ABCE1: variants seen among roughly 807,000 people sequenced by gnomAD.
ABCE1 encodes the protein ATP binding cassette subfamily E member 1.
In ABCE1, 22 loss-of-function variants were observed where a neutral mutation model predicts 83.4. That is an observed-to-expected ratio of 0.26 (90% CI 0.19 to 0.38). ABCE1 has a LOEUF of 0.38. Ranked by LOEUF, ABCE1 falls within the 10% of genes least tolerant of loss-of-function variation. The probability of loss-of-function intolerance (pLI) is 1.00; values close to 1 mark genes in which losing one functional copy is unlikely to be tolerated. For synonymous variants in ABCE1, 204 were observed against 233.7 expected (o/e 0.87, Z 1.16); for missense variants, 330 against 721.9 (o/e 0.46, Z 6.22).
chr4:145,124,948 G>A (rs1269694199), intron 16 of ABCE1, 42 bp from the exon 17 acceptor site: 4 of 1,401,084 alleles, frequency 2.9e-6, no homozygotes, highest in Non-Finnish European at 4.0e-6. Context: ...TTACATTTCT[G>A]AAGTAAAATT....
intron 7 of ABCE1, 91 bp downstream of exon 7, chr4:145,110,535 A>G (rs2126704585): frequency 8.1e-7 from 1 of 1,238,208 alleles, no homozygotes. Flanking sequence ...GGGTGCAATG[A>G]TGCAACCTCT....
intron 13 of ABCE1, 120 bp downstream of exon 13, chr4:145,121,511 T>G (rs1749743695): frequency 1.4e-6 from 1 of 719,606 alleles, no homozygotes; most frequent in African/African-American, 1.8e-5. Flanking sequence ...TTATTGATAG[T>G]TGCAAACAAA....
chr4:145,106,373 G>A (rs776749371), intron 3 of ABCE1, among the ~76,000 whole-genome samples: 2 of 151,748 alleles, frequency 1.3e-5, no homozygotes, highest in African/African-American at 4.8e-5. Context: ...TTAAGTATCC[G>A]GAAAGATTTC....
At position 145,110,100 on chromosome 4, in the gene ABCE1, T is replaced by A. The variant is rs766071306; in HGVS notation, c.406-3T>A. On this transcript the variant is annotated splice_polypyrimidine_tract_variant and splice_region_variant and intron_variant, in intron 5 of 17. Coordinates refer to ENST00000296577, the MANE Select transcript of ABCE1 (RefSeq NM_002940.3). ...TGATTCTGTATTTTTTTTTTTTTTT[T>A]AGGATCCTCCTGACTGGCAGGAGAT... The A allele has an allele frequency of 2.5e-5, 38 of 1,550,924 alleles. No individual in the cohort carries two copies. The highest frequency in any genetic ancestry group is 3.2e-5 in the Non-Finnish European group (37 of 1,155,450).
At chr4:145,100,231 A>G (rs1051384256) in intron 1 of ABCE1, among the ~76,000 whole-genome samples, 1 of 152,196 alleles carries the variant, frequency 6.6e-6, no homozygotes, top group Non-Finnish European at 1.5e-5. Context: ...ACATGCACCT[A>G]TAGTCCCAGC....
intron 1 of ABCE1, among the ~76,000 whole-genome samples, chr4:145,101,197 C>G (rs1401157672): frequency 1.3e-5 from 2 of 152,016 alleles, no homozygotes; most frequent in Non-Finnish European, 2.9e-5. Context: ...AGTGTAGTTA[C>G]AAAAGGCTCA....
At chr4:145,121,293 G>T in intron 12 of ABCE1, 40 bp from the exon 13 acceptor site, 1 of 1,611,920 alleles carries the variant, frequency 6.2e-7, no homozygotes, top group Non-Finnish European at 8.5e-7. Context: ...TTAAAGATCT[G>T]GGCAGTTTTT....
At chr4:145,116,327 T>C (rs760156117) in intron 9 of ABCE1, among the ~76,000 whole-genome samples, 3 of 151,600 alleles carry the variant, frequency 2.0e-5, no homozygotes, top group Admixed American at 6.6e-5. Flanking sequence ...AAATGAGATA[T>C]GAAAGAAATA....
At chr4:145,105,753 G>A (rs1411316818) in intron 3 of ABCE1, 63 bp downstream of exon 3, 9 of 1,205,118 alleles carry the variant, frequency 7.5e-6, no homozygotes, top group South Asian at 6.5e-5. Flanking sequence ...GAAAATTCTG[G>A]ATACTATGCT....
intron 4 of ABCE1, among the ~76,000 whole-genome samples, 178 bp downstream of exon 4, chr4:145,108,290 A>G (rs1195323447): frequency 6.6e-6 from 1 of 152,202 alleles, no homozygotes; most frequent in East Asian, 1.9e-4. Context: ...TCTGGCTAAC[A>G]TTACAGTTAC....
At chr4:145,120,361 T>C (rs1749711831) in intron 11 of ABCE1, among the ~76,000 whole-genome samples, 1 of 152,122 alleles carries the variant, frequency 6.6e-6, no homozygotes, top group Admixed American at 6.5e-5. Flanking sequence ...ATAGTTCTTA[T>C]TTTGTTTTAT....
At chr4:145,112,650 C>T (rs992090060) in intron 9 of ABCE1, among the ~76,000 whole-genome samples, 3 of 152,122 alleles carry the variant, frequency 2.0e-5, no homozygotes, top group East Asian at 1.9e-4. Flanking sequence ...ACACAACACA[C>T]GCACGCACAC....
Position 145,123,048 on chromosome 4 carries a change from A to G in ABCE1, c.1291A>G (p.Lys431Glu), listed in dbSNP as rs1436874498. The G allele has an allele frequency of 6.3e-7, 1 of 1,592,336 alleles. No homozygotes were observed. The highest frequency in any genetic ancestry group is 8.5e-7 in the Non-Finnish European group (1 of 1,172,718). ...AAGTGTTCGCCAGTTACTACATGAA[A>G]AGATAAGAGATGCTTATACTCACCC... ...TGSVRQLLHEKIRDAYTHPQF... is the reference protein window; with the variant it reads ...TGSVRQLLHEEIRDAYTHPQF... The change falls in exon 14 of 18, where the codon AAG becomes GAG. Residue 431 changes from lysine (K) to glutamate (E), a missense_variant. Lys to Glu is a moderately conservative substitution (Grantham distance 56). Coordinates refer to ENST00000296577, the MANE Select transcript of ABCE1 (RefSeq NM_002940.3).
chr4:145,111,133 T>A, intron 8 of ABCE1, 69 bp downstream of exon 8: 1 of 1,024,824 alleles, frequency 9.8e-7, no homozygotes, highest in Non-Finnish European at 1.5e-6. Flanking sequence ...ATGCTGCTAA[T>A]AGAGGAATGG....
intron 7 of ABCE1, chr4:145,110,754 G>A (rs1000761781): frequency 1.9e-5 from 10 of 539,994 alleles, no homozygotes; most frequent in South Asian, 1.3e-4. Context: ...GAGCCACTGC[G>A]CCCGGCCATT....
At chr4:145,117,260 AGAGTTTT>A in intron 9 of ABCE1, 26 bp from the exon 10 acceptor site, 1 of 1,563,520 alleles carries the variant, frequency 6.4e-7, no homozygotes, top group Non-Finnish European at 8.7e-7. Flanking sequence ...TAGTTATGTA[AGAGTTTT>A]AACTAAAATC....
Position 145,127,652 on chromosome 4 carries a change from A to C in ABCE1, c.*79A>C. ...TTTTTTGTCATATAAAACTTGAATC[A>C]GGATTTTATGCCCCACATACTCTGG... On this transcript the variant is annotated 3_prime_UTR_variant, in exon 18 of 18. Coordinates refer to ENST00000296577, the MANE Select transcript of ABCE1 (RefSeq NM_002940.3). 9.0e-7 allele frequency: 1 copy of C among 1,105,766 alleles called. No individual in the cohort carries two copies. The highest frequency in any genetic ancestry group is 2.7e-5 in the East Asian group (1 of 37,288). The allele number at this position is 1,105,766 out of a possible 1,614,324, so 68.5% of individuals were successfully genotyped here. A position where few individuals can be genotyped will look rare whatever the true frequency, so the allele number is the denominator to read the frequency against.
chr4:145,127,051 T>C (rs1749906949), intron 17 of ABCE1, among the ~76,000 whole-genome samples: 1 of 152,174 alleles, frequency 6.6e-6, no homozygotes, highest in African/African-American at 2.4e-5. Flanking sequence ...CTTAAGATTG[T>C]CATACCTTAA....
intron 1 of ABCE1, among the ~76,000 whole-genome samples, chr4:145,100,010 A>C (rs1187167770): frequency 1.3e-5 from 2 of 152,230 alleles, no homozygotes; most frequent in East Asian, 3.8e-4. Flanking sequence ...TTTCTATTGA[A>C]AAACAAGTAG....
Sources: allele counts gnomAD v4.1 joint callset (sites outside exome capture counted in the v4.1 genomes callset), GRCh38; gene constraint gnomAD v4.1.1; transcripts MANE v1.5; gene names NCBI Gene and HGNC (gene_info 2026-07-23, HGNC 2026-07-21).